The following DMWD variants were observed in gnomAD, a reference collection of about 807,000 sequenced individuals.
DMWD encodes DM1 locus, WD repeat containing, also known as dystrophia myotonica WD repeat-containing protein.
DMWD carries 19 observed loss-of-function variants against 45.8 expected under a neutral mutation model. The observed-to-expected ratio is 0.41, with a 90% confidence interval of 0.29 to 0.61. DMWD has a LOEUF of 0.61. Ranked by LOEUF, DMWD falls within the 20% of genes least tolerant of loss-of-function variation. DMWD has a pLI of 0.25. For synonymous variants in DMWD, 515 were observed against 440.5 expected (o/e 1.17, Z -2.12); for missense variants, 802 against 965.2 (o/e 0.83, Z 2.24).
Position 45,784,036 on chromosome 19 carries a change from G to T in DMWD, c.*207C>A. The T allele has an allele frequency of 1.6e-6, 1 of 644,292 alleles. No individual in the cohort carries two copies. Among genetic ancestry groups the T allele is most frequent in the Non-Finnish European group, 2.7e-6 (1 of 364,056 alleles). The allele number at this position is 644,292 out of a possible 1,614,324, so 39.9% of individuals were successfully genotyped here. ...AGGTCATTGTACTTGGCAGTGGGTG[G>T]GGGACAAGGCTGAGGCCACAAGGGC... On this transcript the variant is annotated 3_prime_UTR_variant, in exon 5 of 5. Coordinates refer to ENST00000270223, the MANE Select transcript of DMWD (RefSeq NM_004943.2).
rs928697603 is a variant in DMWD, at chr19:45,783,531, G to A, written c.*712C>T. The A allele has an allele frequency of 3.3e-5, 13 of 398,516 alleles. No individual in the cohort carries two copies. The highest frequency in any genetic ancestry group is 4.9e-5 in the Non-Finnish European group (11 of 226,118). The allele number at this position is 398,516 out of a possible 1,614,324, so 24.7% of individuals were successfully genotyped here. A position where few individuals can be genotyped will look rare whatever the true frequency, so the allele number is the denominator to read the frequency against. Reference sequence around the variant, plus strand: ...TCCCCAAGAGGGTCCTGCTCCAGCCGCTGGTGTGGGTCACCAGTTGTGTGA... The same window carrying A: ...TCCCCAAGAGGGTCCTGCTCCAGCCACTGGTGTGGGTCACCAGTTGTGTGA... On this transcript the variant is annotated 3_prime_UTR_variant, in exon 5 of 5. Coordinates refer to ENST00000270223, the MANE Select transcript of DMWD (RefSeq NM_004943.2).
At chr19:45,790,113 T>A (rs1167358589) in intron 2 of DMWD, 3 of 151,860 alleles carry the variant, frequency 2.0e-5, no homozygotes, top group Non-Finnish European at 4.4e-5. Flanking sequence ...ATCGCGCCAC[T>A]GCACTCCAGC....
chr19:45,792,402 G>C lies in DMWD; in HGVS notation c.355C>G (p.Leu119Val). 1 of 1,590,378 alleles carries C rather than the reference G, an allele frequency of 6.3e-7. No individual in the cohort carries two copies. The highest frequency in any genetic ancestry group is 8.6e-7 in the Non-Finnish European group (1 of 1,169,216). ...CAGACGCGGTCTCCCCCCGAGCCCA[G>C]CCCCGCGGGCGTGGCGGGCGGCTCC... ...AGEPPATPAG[L>V]GSGGDRVCFN... The change falls in exon 1 of 5, where the codon CTG becomes GTG. Residue 119 changes from leucine (L) to valine (V), a missense_variant. Around this residue, in one of 9 missense-constraint regions of DMWD, gnomAD observed 82 missense variants for 92.9 expected, o/e 0.88. Coordinates refer to ENST00000270223, the MANE Select transcript of DMWD (RefSeq NM_004943.2).
Position 45,791,692 on chromosome 19 carries a change from AGAGATGTCCT to A in DMWD, c.441+614_442-606del, listed in dbSNP as rs552143268. Among the ~76,000 whole-genome samples the A allele has an allele frequency of 3.8e-3, 586 of 152,228 alleles. 6 individuals are homozygous for A. Among genetic ancestry groups the A allele is most frequent in the African/African-American group, 0.014 (564 of 41,538 alleles). ...GCCAGGGTTCTCACCACATCGCTTT[AGAGATGTCCT>A]GAATCACACCTGCAGATTCCCCTGC... On this transcript the variant is annotated intron_variant, in intron 1 of 4. Transcript: ENST00000270223.
chr19:45,785,673 A>ACTGTGAGCCGCTC lies in DMWD; in HGVS notation c.1810_1822dup (p.Val608GlyfsTer88). 6.3e-7 allele frequency: 1 copy of ACTGTGAGCCGCTC among 1,590,566 alleles called. No homozygotes were observed. The highest frequency in any genetic ancestry group is 8.6e-7 in the Non-Finnish European group (1 of 1,165,494). ...GATGCAGTCCTCCAGGAACAGGAGG[A>ACTGTGAGCCGCTC]CTGTGAGCCGCTCCTGGGCGATCTT... On this transcript the variant is annotated frameshift_variant, in exon 3 of 5. Transcript: ENST00000270223. LOFTEE classifies it high-confidence loss of function.
rs1970249494 is a variant in DMWD, at chr19:45,784,815, G to A, written c.1903-100C>T. 3.3e-6 allele frequency: 5 copies of A among 1,511,676 alleles called. No individual in the cohort carries two copies. In the East Asian group the frequency reaches 6.9e-5, roughly 21 times the overall value. The allele number at this position is 1,511,676 out of a possible 1,614,324, so 93.6% of individuals were successfully genotyped here. A position where few individuals can be genotyped will look rare whatever the true frequency, so the allele number is the denominator to read the frequency against. On this transcript the variant is annotated intron_variant, in intron 3 of 4. Coordinates refer to ENST00000270223, the MANE Select transcript of DMWD (RefSeq NM_004943.2). Reference sequence around the variant, plus strand: ...TCAGACTGTGCTCTCAAGTTCTAGGGACTCAGGACTCTACGATTCCAAAAC... The same window carrying A: ...TCAGACTGTGCTCTCAAGTTCTAGGAACTCAGGACTCTACGATTCCAAAAC...
In DMWD at chr19:45,792,714, C is replaced by T; in HGVS notation, c.43G>A (p.Ala15Thr). ...TTAATCTCCGCGCAGTCCCCCATGG[C>T]GGCGCCGGGGCCCGAGCCGCCCTCC... ...GAEGGSGPGA[A>T]MGDCAEIKSQ... The change falls in exon 1 of 5, where the codon GCC becomes ACC. Residue 15 changes from alanine to threonine, a missense_variant. Coordinates refer to ENST00000270223, the MANE Select transcript of DMWD (RefSeq NM_004943.2). 8.2e-7 allele frequency: 1 copy of T among 1,218,190 alleles called. No individual in the cohort carries two copies. The highest frequency in any genetic ancestry group is 1.0e-6 in the Non-Finnish European group (1 of 962,088). The allele number at this position is 1,218,190 out of a possible 1,614,324, so 75.5% of individuals were successfully genotyped here.
At chr19:45,787,241 G>T in intron 2 of DMWD, 1 of 309,332 alleles carries the variant, frequency 3.2e-6, no homozygotes, top group South Asian at 3.4e-5. Flanking sequence ...AGGCCATGCA[G>T]CAGGAGGTGA....
In DMWD at chr19:45,791,107, G is replaced by A. The variant is rs771899730; in HGVS notation, c.442-20C>T. ...AATGGACTTGAGGGGTGGGAGAAAA[G>A]GAGTTAATGGTGTATGCCACTGAGG... On this transcript the variant is annotated intron_variant, in intron 1 of 4. Transcript: ENST00000270223. 2.5e-6 allele frequency: 4 copies of A among 1,596,174 alleles called. No homozygotes were observed. The South Asian group carries it at 4.5e-5, about 18-fold the overall frequency.
At position 45,786,606 on chromosome 19, in the gene DMWD, C is replaced by G; in HGVS notation, c.890G>C (p.Arg297Pro). ...LNEFAFSPDG[R>P]HLACVSQDGC... ...ATCCTGGCTCACACAGGCCAGGTGC[C>G]GGCCATCGGGCGAGAAGGCGAACTC... is the stretch of plus-strand genomic sequence containing the variant. Residue 297 changes from arginine to proline, a missense_variant, in exon 3 of 5, where the codon CGG becomes CCG. Physicochemically the swap from Arg to Pro is moderately radical, Grantham distance 103. Coordinates refer to ENST00000270223, the MANE Select transcript of DMWD (RefSeq NM_004943.2). The G allele has an allele frequency of 6.2e-7, 1 of 1,613,748 alleles. No individual in the cohort carries two copies. Among genetic ancestry groups the G allele is most frequent in the Non-Finnish European group, 8.5e-7 (1 of 1,179,826 alleles).
intron 1 of DMWD, among the ~76,000 whole-genome samples, chr19:45,791,330 G>T (rs1199342488): frequency 6.6e-6 from 1 of 152,026 alleles, no homozygotes; most frequent in East Asian, 1.9e-4. Context: ...CCAAAGTTGG[G>T]TCACCTCTAA....
rs371350974 is a variant in DMWD at position 45,786,325 on chromosome 19, C to T, written c.1171G>A (p.Gly391Ser). Reference sequence around the variant, plus strand: ...TCGCCGCTCCGCTCCCCATCAGCACCGGCTGCTGTCGCCGCCTCCTCTGCC... The same window carrying T: ...TCGCCGCTCCGCTCCCCATCAGCACTGGCTGCTGTCGCCGCCTCCTCTGCC... The part of the protein sequence containing the change: ...TRAEEAATAA[G>S]ADGERSGEEE... Residue 391 changes from glycine to serine, a missense_variant, in exon 3 of 5, where the codon GGT becomes AGT. Physicochemically the swap from Gly to Ser is moderately conservative, Grantham distance 56. Transcript: ENST00000270223. 125 of 1,606,650 alleles carry T rather than the reference C, an allele frequency of 7.8e-5. No individual in the cohort carries two copies. Among genetic ancestry groups the T allele is most frequent in the African/African-American group, 3.2e-4 (24 of 74,920 alleles).
At position 45,786,243 on chromosome 19, in the gene DMWD, A is replaced by C; in HGVS notation, c.1253T>G (p.Leu418Arg). The C allele has an allele frequency of 6.2e-7, 1 of 1,609,376 alleles. No homozygotes were observed. The highest frequency in any genetic ancestry group is 1.1e-5 in the South Asian group (1 of 90,820). The change falls in exon 3 of 5, where the codon CTC becomes CGC. Residue 418 changes from leucine to arginine, a missense_variant. Leu to Arg is a moderately radical substitution (Grantham distance 102, BLOSUM62 -2). This residue lies in a region of DMWD where 67 missense variants were observed against 57.9 expected (regional missense o/e 1.16). Transcript: ENST00000270223. Reference sequence around the variant, plus strand: ...GGAGCCAGCCTTGGGCAGTGGAGAGAGCGGGGCGCCCCCGGCCGAGCCTGT... The same window carrying C: ...GGAGCCAGCCTTGGGCAGTGGAGAGCGCGGGGCGCCCCCGGCCGAGCCTGT... The part of the protein sequence containing the change: ...AGTGSAGGAP[L>R]SPLPKAGSIT...
chr19:45,786,930 C>A, intron 2 of DMWD, 59 bp from the exon 3 acceptor site: 1 of 1,553,732 alleles, frequency 6.4e-7, no homozygotes, highest in Non-Finnish European at 8.7e-7. Context: ...CAGAACTTCT[C>A]CCCGACCCAA....
rs895071373 is a variant in DMWD, at chr19:45,792,619, A to C, written c.138T>G (p.Gly46=). ...GCACCGGAGTCTGGGCGGAAGCCGG[A>C]CCCGACCTGCGAGCGGCGCCGTCGC... The part of the protein sequence containing the change: ...LPGDGAARRS[G]PASAQTPVPP... Residue 46 remains glycine (G), a synonymous_variant, in exon 1 of 5, where the codon GGT becomes GGG. Coordinates refer to ENST00000270223, the MANE Select transcript of DMWD (RefSeq NM_004943.2). 1.6e-5 allele frequency: 21 copies of C among 1,329,488 alleles called. No individual in the cohort carries two copies. In the African/African-American group the frequency reaches 3.2e-4, roughly 20 times the overall value. 82.4% of individuals were successfully genotyped at this position (1,329,488 alleles called of 1,614,324 possible).
chr19:45,792,332 C>T lies in DMWD; in HGVS notation c.425G>A (p.Arg142His). 1 of 1,610,776 alleles carries T rather than the reference C, an allele frequency of 6.2e-7. No individual in the cohort carries two copies. ...RELYFYPGCC[R>H]RGSQRSIDLN... The stretch of plus-strand genomic sequence containing the variant: ...GCCGCTCACCCGTTGGCTCCCACGA[C>T]GACAGCAGCCTGGGTAGAAATAGAG... The change falls in exon 1 of 5, where the codon CGT (arginine) becomes CAT (histidine). Residue 142 changes from arginine to histidine, a missense_variant. Around this residue, in one of 9 missense-constraint regions of DMWD, gnomAD observed 82 missense variants for 92.9 expected, o/e 0.88. Coordinates refer to ENST00000270223, the MANE Select transcript of DMWD (RefSeq NM_004943.2).
chr19:45,784,355 G>C (rs1447780073), intron 4 of DMWD, 65 bp from the exon 5 acceptor site: 2 of 1,463,092 alleles, frequency 1.4e-6, no homozygotes, highest in Non-Finnish European at 1.8e-6. Flanking sequence ...CCAGTGTCAA[G>C]GGGAGGGAGC....
rs566809563 is a variant in DMWD at position 45,785,203 on chromosome 19, C to T, written c.1902+391G>A. ...GCAGCCATGCCCACAGGCTTGAGCTCGCCCCTAGTTTTGGCCTGAAGTACT... is the reference window on the plus strand; with the variant it reads ...GCAGCCATGCCCACAGGCTTGAGCTTGCCCCTAGTTTTGGCCTGAAGTACT... On this transcript the variant is annotated intron_variant, in intron 3 of 4. Transcript: ENST00000270223. 166 of 1,026,298 alleles carry T rather than the reference C, an allele frequency of 1.6e-4. No individual in the cohort carries two copies. The African/African-American group carries it at 2.6e-3, about 16-fold the overall frequency. 63.6% of individuals were successfully genotyped at this position (1,026,298 alleles called of 1,614,324 possible). A position where few individuals can be genotyped will look rare whatever the true frequency, so the allele number is the denominator to read the frequency against.
Position 45,792,826 on chromosome 19 carries a change from T to C in DMWD, c.-70A>G, listed in dbSNP as rs1970372486. 3 of 1,064,994 alleles carry C rather than the reference T, an allele frequency of 2.8e-6. No individual in the cohort carries two copies. Among genetic ancestry groups the C allele is most frequent in the Non-Finnish European group, 3.4e-6 (3 of 882,342 alleles). 66.0% of individuals were successfully genotyped at this position (1,064,994 alleles called of 1,614,324 possible). The stretch of plus-strand genomic sequence containing the variant: ...AGCCGGGCCCCCTCCCGGAAGCCGC[T>C]GGCCCGCGCCGGAAAAGGTGGGGTC... On this transcript the variant is annotated 5_prime_UTR_variant, in exon 1 of 5. Coordinates refer to ENST00000270223, the MANE Select transcript of DMWD (RefSeq NM_004943.2).
Sources: gnomAD v4.1 joint callset for allele counts (sites outside exome capture counted in the v4.1 genomes callset) on GRCh38, gnomAD v4.1.1 for gene constraint, gnomAD v4.1.1 regional missense constraint, MANE v1.5 for transcripts, NCBI Gene and HGNC (gene_info 2026-07-23, HGNC 2026-07-21) for gene names.